SLC1A3: variants seen among roughly 807,000 people sequenced by gnomAD.
The protein encoded by SLC1A3 is solute carrier family 1 member 3.
In SLC1A3, 21 loss-of-function variants were observed where a neutral mutation model predicts 48.1. The observed-to-expected ratio is 0.44, with a 90% confidence interval of 0.31 to 0.63. The LOEUF (loss-of-function observed/expected upper bound fraction) is 0.63, where lower values mean the gene tolerates loss of function less well. Ranked by LOEUF, SLC1A3 falls within the 20% of genes least tolerant of loss-of-function variation. The probability of loss-of-function intolerance (pLI) is 0.08; values close to 1 mark genes in which losing one functional copy is unlikely to be tolerated. For missense variants in SLC1A3, 546 were observed against 689.0 expected, an observed-to-expected ratio of 0.79 and a Z score of 2.32; for synonymous variants, 239 against 251.4, an observed-to-expected ratio of 0.95 and a Z score of 0.47.
At chr5:36,669,365 T>G (rs1041834795) in intron 3 of SLC1A3, 1 of 152,172 alleles carries the variant, frequency 6.6e-6, no homozygotes, top group East Asian at 1.9e-4. Flanking sequence ...TCCTAACAAA[T>G]GAATACTTAG....
At chr5:36,642,201 G>A (rs952207420) in intron 3 of SLC1A3, among the ~76,000 whole-genome samples, 5 of 152,188 alleles carry the variant, frequency 3.3e-5, no homozygotes, top group South Asian at 4.1e-4. Context: ...CTGTGGGAAC[G>A]TGACTTGAAG....
chr5:36,650,150 G>A (rs1741003101), intron 3 of SLC1A3, among the ~76,000 whole-genome samples: 1 of 152,130 alleles, frequency 6.6e-6, no homozygotes, highest in Non-Finnish European at 1.5e-5. Flanking sequence ...TAAATGTTGA[G>A]TGAACTTGTC....
chr5:36,629,614 T>C, intron 3 of SLC1A3, 27 bp downstream of exon 3: 1 of 1,608,376 alleles, frequency 6.2e-7, no homozygotes, highest in Non-Finnish European at 8.5e-7. Context: ...TTGGTTTGTT[T>C]GGTTTTTTTT....
At chr5:36,650,627 G>C (rs1384465600) in intron 3 of SLC1A3, among the ~76,000 whole-genome samples, 1 of 152,104 alleles carries the variant, frequency 6.6e-6, no homozygotes, top group Non-Finnish European at 1.5e-5. Context: ...TGATGATTAT[G>C]TCACCATGGT....
At chr5:36,658,743 A>G (rs534082196) in intron 3 of SLC1A3, among the ~76,000 whole-genome samples, 1 of 152,234 alleles carries the variant, frequency 6.6e-6, no homozygotes, top group Non-Finnish European at 1.5e-5. Context: ...GAAATGCTGC[A>G]GCTTCACCAA....
At chr5:36,605,323 C>T (rs1207807586), upstream of SLC1A3, among the ~76,000 whole-genome samples, 1 of 152,060 alleles carries the variant, frequency 6.6e-6, no homozygotes, top group African/African-American at 2.4e-5. Context: ...TCACTGAGGG[C>T]TGGGAATGTC....
intron 3 of SLC1A3, among the ~76,000 whole-genome samples, chr5:36,648,745 C>A (rs1388042935): frequency 1.3e-5 from 2 of 152,148 alleles, no homozygotes; most frequent in African/African-American, 2.4e-5. Flanking sequence ...CACATCTCAC[C>A]ATTTTTCCCT....
chr5:36,652,178 C>T (rs1410552142), intron 3 of SLC1A3, among the ~76,000 whole-genome samples: 1 of 152,196 alleles, frequency 6.6e-6, no homozygotes, highest in African/African-American at 2.4e-5. Flanking sequence ...GACATGAAGT[C>T]GTGTGTGCCT....
At chr5:36,654,331 G>A (rs146236856) in intron 3 of SLC1A3, among the ~76,000 whole-genome samples, 14 of 152,312 alleles carry the variant, frequency 9.2e-5, no homozygotes, top group Non-Finnish European at 1.8e-4. Flanking sequence ...TAGATGAAGG[G>A]TGGTTTGTGT....
At chr5:36,653,292 G>A (rs185759761) in intron 3 of SLC1A3, among the ~76,000 whole-genome samples, 1 of 152,260 alleles carries the variant, frequency 6.6e-6, no homozygotes, top group East Asian at 1.9e-4. Context: ...GAGCGACACT[G>A]GTTTTCAAAA....
At chr5:36,603,444 G>C (rs973368418), upstream of SLC1A3, among the ~76,000 whole-genome samples, 1 of 152,188 alleles carries the variant, frequency 6.6e-6, no homozygotes, top group African/African-American at 2.4e-5. Context: ...GGAACACAGT[G>C]GTTGCTCAAT....
rs569344780 is a variant in SLC1A3 at position 36,622,951 on chromosome 5, G to A, written c.182-6499G>A. Among the ~76,000 whole-genome samples, 40 of 149,894 alleles carry A rather than the reference G, an allele frequency of 2.7e-4. 1 individual carries two copies. In the South Asian group the frequency reaches 8.2e-3, roughly 31 times the overall value. Reference sequence around the variant, plus strand: ...GGCTTGAACCTGGGAGGCGGAGCTTGCAGTGAGCCGAGATCGCACCACTGC... The same window carrying A: ...GGCTTGAACCTGGGAGGCGGAGCTTACAGTGAGCCGAGATCGCACCACTGC... On this transcript the variant is annotated intron_variant, in intron 2 of 9. Transcript: ENST00000265113.
intron 3 of SLC1A3, among the ~76,000 whole-genome samples, chr5:36,645,472 C>T (rs1479544017): frequency 6.6e-6 from 1 of 151,774 alleles, no homozygotes; most frequent in Non-Finnish European, 1.5e-5. Context: ...ATTACAGGTG[C>T]CTACCACCAC....
At chr5:36,678,207 T>A (rs1043192098) in intron 6 of SLC1A3, among the ~76,000 whole-genome samples, 2 of 152,228 alleles carry the variant, frequency 1.3e-5, no homozygotes, top group Non-Finnish European at 2.9e-5. Context: ...AATGCCCTTG[T>A]CTTTAATGCC....
rs761385978 is a variant in SLC1A3, at chr5:36,676,965, T to C, written c.641T>C (p.Ile214Thr). The C allele has an allele frequency of 1.2e-5, 19 of 1,613,978 alleles. No homozygotes were observed. Among genetic ancestry groups the C allele is most frequent in the Middle Eastern group, 1.6e-4 (1 of 6,084 alleles). ...QANETLVGAVINNVSEAMETL... is the reference protein window; with the variant it reads ...QANETLVGAVTNNVSEAMETL... ...AACGAAACGCTTGTGGGTGCTGTGA[T>C]AAACAATGTGTCTGAGGCCATGGAG... The change falls in exon 6 of 10, where the codon ATA becomes ACA. Residue 214 changes from isoleucine (I) to threonine (T), a missense_variant. Ile to Thr is a moderately conservative substitution (Grantham distance 89). This residue lies in a region of SLC1A3 where 348 missense variants were observed against 392.0 expected (regional missense o/e 0.89). Transcript: ENST00000265113.
intron 6 of SLC1A3, 77 bp downstream of exon 6, chr5:36,677,261 G>C (rs1742253141): frequency 7.5e-7 from 1 of 1,331,666 alleles, no homozygotes; most frequent in East Asian, 2.3e-5. Flanking sequence ...ACTGAGGAAG[G>C]TGCCACGAGG....
chr5:36,630,500 G>A (rs1294037090), intron 3 of SLC1A3: 1 of 152,176 alleles, frequency 6.6e-6, no homozygotes, highest in African/African-American at 2.4e-5. Flanking sequence ...TCAGAACTCA[G>A]GTATTACTGA....
chr5:36,683,411 T>G (rs1256318542), intron 8 of SLC1A3, among the ~76,000 whole-genome samples: 1 of 152,134 alleles, frequency 6.6e-6, no homozygotes, highest in Non-Finnish European at 1.5e-5. Context: ...TTTTTTTTTT[T>G]TTAATCTCAT....
Position 36,618,423 on chromosome 5 carries a change from A to G in SLC1A3, c.181+9819A>G, listed in dbSNP as rs77737305. On this transcript the variant is annotated intron_variant, in intron 2 of 9. Transcript: ENST00000265113. ...ATAAGAGACTGCCAGAAATAAGTCTATAGAAGCTAGGATCACCCCGCTCCC... is the reference window on the plus strand; with the variant it reads ...ATAAGAGACTGCCAGAAATAAGTCTGTAGAAGCTAGGATCACCCCGCTCCC... Among the ~76,000 whole-genome samples the G allele has an allele frequency of 6.4e-3, 971 of 152,332 alleles. 21 individuals carry two copies. The highest frequency in any genetic ancestry group is 0.057 in the East Asian group (294 of 5,188).
Sources: allele counts gnomAD v4.1 joint callset (sites outside exome capture counted in the v4.1 genomes callset), GRCh38; gene constraint gnomAD v4.1.1; regional missense constraint gnomAD v4.1.1; transcripts MANE v1.5; gene names NCBI Gene and HGNC (gene_info 2026-07-23, HGNC 2026-07-21).